Variants in MAN1B1 observed in about 807,000 individuals in gnomAD.
MAN1B1 encodes the protein mannosidase alpha class 1B member 1.
A neutral mutation model predicts 75.5 loss-of-function variants in MAN1B1; 66 were observed. The ratio of observed to expected loss-of-function variants is 0.87; its 90% CI spans 0.72 to 1.07. The LOEUF is 1.07. Among genes scored for constraint, MAN1B1 ranks in the 50% least tolerant of loss-of-function variants. MAN1B1 has a pLI of 0.00. For synonymous variants in MAN1B1, 453 were observed against 382.8 expected (o/e 1.18, Z -2.14); for missense variants, 973 against 912.5 (o/e 1.07, Z -0.85).
intron 10 of MAN1B1, 63 bp from the exon 11 acceptor site, chr9:137,107,187 C>A (rs922420738): frequency 1.7e-5 from 27 of 1,563,032 alleles, no homozygotes; most frequent in Non-Finnish European, 2.3e-5. Context: ...GTTGGCTGCC[C>A]GTGCAGCTGC....
chr9:137,095,708 G>A (rs113854462), intron 3 of MAN1B1, among the ~76,000 whole-genome samples: 6 of 152,346 alleles, frequency 3.9e-5, no homozygotes, highest in African/African-American at 1.2e-4. Context: ...TTCACGTGGG[G>A]AAGGGAGCAG....
In MAN1B1 at chr9:137,107,363, C is replaced by G. The variant is rs1017935955; in HGVS notation, c.1680C>G (p.Asn560Lys). 1 of 1,613,410 alleles carries G rather than the reference C, an allele frequency of 6.2e-7. No homozygotes were observed. Among genetic ancestry groups the G allele is most frequent in the Non-Finnish European group, 8.5e-7 (1 of 1,180,010 alleles). ...TCATGGAGACTTGTTACCAGATGAACCGGCAGATGGAGACGGGGCTGAGTC... is the reference window on the plus strand; with the variant it reads ...TCATGGAGACTTGTTACCAGATGAAGCGGCAGATGGAGACGGGGCTGAGTC... ...QELMETCYQM[N>K]RQMETGLSPE... The change falls in exon 11 of 13, where the codon AAC (asparagine) becomes AAG (lysine). Residue 560 changes from asparagine (N) to lysine (K), a missense_variant. Transcript: ENST00000371589.
Position 137,088,914 on chromosome 9 carries a change from T to C in MAN1B1, c.374T>C (p.Ile125Thr), listed in dbSNP as rs756945518. ...LEEEQKMRPEIAGLKPANPPV... is the reference protein window; with the variant it reads ...LEEEQKMRPETAGLKPANPPV... ...GAAGAGCAGAAGATGAGGCCAGAAA[T>C]TGCTGGGTTAAAACCAGCAAATCCA... Residue 125 changes from isoleucine (I) to threonine (T), a missense_variant, in exon 3 of 13, where the codon ATT becomes ACT. Transcript: ENST00000371589. 4.3e-6 allele frequency: 7 copies of C among 1,613,846 alleles called. No individual in the cohort carries two copies. The highest frequency in any genetic ancestry group is 5.9e-6 in the Non-Finnish European group (7 of 1,180,036).
chr9:137,101,865 G>A (rs1395197029), intron 8 of MAN1B1, 193 bp downstream of exon 8: 21 of 741,260 alleles, frequency 2.8e-5, no homozygotes, highest in Middle Eastern at 4.5e-4. Context: ...TGTTGCAGGC[G>A]TGCAGGTCGG....
chr9:137,105,623 C>T (rs956161826), intron 8 of MAN1B1: 2 of 319,518 alleles, frequency 6.3e-6, no homozygotes, highest in African/African-American at 4.4e-5. Context: ...CTGGTGCTGC[C>T]AGCTGGGCGT....
intron 3 of MAN1B1, among the ~76,000 whole-genome samples, chr9:137,095,302 G>A (rs1830623117): frequency 6.6e-6 from 1 of 151,692 alleles, no homozygotes; most frequent in Non-Finnish European, 1.5e-5. Flanking sequence ...TGATCCACCT[G>A]CCTCCCAAAG....
intron 8 of MAN1B1, chr9:137,104,231 TC>T (rs1463731827): frequency 5.2e-5 from 19 of 365,204 alleles, no homozygotes; most frequent in African/African-American, 3.9e-4. Context: ...ACACGATTTG[TC>T]CTTTTTTTGT....
In MAN1B1 at chr9:137,106,808, T is replaced by C. The variant is rs764475116; in HGVS notation, c.1565T>C (p.Met522Thr). The change falls in exon 10 of 13, where the codon ATG becomes ACG. Residue 522 changes from methionine (M) to threonine (T), a missense_variant and splice_region_variant. By Grantham distance (81) the Met-to-Thr change is moderately conservative. Coordinates refer to ENST00000371589, the MANE Select transcript of MAN1B1 (RefSeq NM_016219.5). ...ELAHGRFSAKMDHLVCFLPGT... is the reference protein window; with the variant it reads ...ELAHGRFSAKTDHLVCFLPGT... The stretch of plus-strand genomic sequence containing the variant: ...GCCCACGGCCGCTTCAGTGCCAAGA[T>C]GGTGAGTGTGTCTGCGGGGCCTTCC... 17 of 1,613,072 alleles carry C rather than the reference T, an allele frequency of 1.1e-5. No individual in the cohort carries two copies. The Admixed American group carries it at 2.5e-4, about 24-fold the overall frequency.
At chr9:137,106,660 T>C (rs1348010954) in intron 9 of MAN1B1, 29 bp from the exon 10 acceptor site, 4 of 1,612,700 alleles carry the variant, frequency 2.5e-6, no homozygotes, top group Non-Finnish European at 3.4e-6. Flanking sequence ...ACCGTCCTGG[T>C]AGAGTGAGAT....
rs369907908 is a variant in MAN1B1, at chr9:137,087,157, C to T, written c.158C>T (p.Thr53Met). Residue 53 changes from threonine to methionine, a missense_variant, in exon 1 of 13, where the codon ACG (threonine) becomes ATG (methionine). Physicochemically the swap from Thr to Met is moderately conservative, Grantham distance 81 (BLOSUM62 -1). Coordinates refer to ENST00000371589, the MANE Select transcript of MAN1B1 (RefSeq NM_016219.5). ...CCTCATCGGGACTTCATCTCGGTGA[C>T]GCTGAGCTTTGGCGAGAACTATGAC... The part of the protein sequence containing the change: ...PPPHRDFISV[T>M]LSFGENYDNS... 6 of 1,594,988 alleles carry T rather than the reference C, an allele frequency of 3.8e-6. No homozygotes were observed. The African/African-American group carries it at 6.7e-5, about 18-fold the overall frequency.
At position 137,107,593 on chromosome 9, in the gene MAN1B1, C is replaced by T. The variant is rs201933207; in HGVS notation, c.1827C>T (p.Arg609=). 2.5e-5 allele frequency: 40 copies of T among 1,612,162 alleles called. 2 individuals carry two copies. The highest frequency in any genetic ancestry group is 1.6e-4 in the Middle Eastern group (1 of 6,062). Residue 609 remains arginine, a synonymous_variant, in exon 12 of 13, where the codon CGC becomes CGT. Transcript: ENST00000371589. ...TGGAGAGCCTGTTCTACCTGTACCG[C>T]GTCACAGGGGACCGCAAATACCAGG... The part of the protein sequence containing the change: ...ETVESLFYLY[R]VTGDRKYQDW...
At chr9:137,104,159 C>A in intron 8 of MAN1B1, 1 of 436,458 alleles carries the variant, frequency 2.3e-6, no homozygotes, top group South Asian at 1.6e-5. Flanking sequence ...CCCTGAAAAA[C>A]ACTGTTCAGG....
In MAN1B1 at chr9:137,106,794, C is replaced by T. The variant is rs1329397492; in HGVS notation, c.1551C>T (p.Arg517=). 2 of 1,613,286 alleles carry T rather than the reference C, an allele frequency of 1.2e-6. No homozygotes were observed. Among genetic ancestry groups the T allele is most frequent in the East Asian group, 2.2e-5 (1 of 44,896 alleles). ...LTFVGELAHG[R]FSAKMDHLVC... ...TTGTGGGGGAGCTTGCCCACGGCCG[C>T]TTCAGTGCCAAGATGGTGAGTGTGT... Residue 517 remains arginine (R), a synonymous_variant, in exon 10 of 13, where the codon CGC becomes CGT. Coordinates refer to ENST00000371589, the MANE Select transcript of MAN1B1 (RefSeq NM_016219.5).
intron 5 of MAN1B1, 21 bp downstream of exon 5, chr9:137,097,958 C>T (rs537355779): frequency 8.3e-5 from 127 of 1,532,510 alleles, no homozygotes; most frequent in Non-Finnish European, 1.1e-4. Context: ...ACCTGCACCC[C>T]TTCCTCCCCG....
intron 12 of MAN1B1, 127 bp downstream of exon 12, chr9:137,107,789 C>G (rs754642307): frequency 4.9e-6 from 7 of 1,423,248 alleles, no homozygotes; most frequent in Non-Finnish European, 6.9e-6. Context: ...GCGGGCTTGC[C>G]GCAGCCTCGG....
At chr9:137,090,031 G>A (rs1433468318) in intron 3 of MAN1B1, among the ~76,000 whole-genome samples, 1 of 152,036 alleles carries the variant, frequency 6.6e-6, no homozygotes, top group Non-Finnish European at 1.5e-5. Context: ...CCTAGTCCTG[G>A]GCACCACCAG....
chr9:137,093,833 C>A (rs917039431), intron 3 of MAN1B1, among the ~76,000 whole-genome samples: 5 of 150,596 alleles, frequency 3.3e-5, no homozygotes, highest in South Asian at 2.1e-4. Flanking sequence ...GACTCTGTCT[C>A]AAAAAAAAGA....
chr9:137,102,765 CAGGCGTGCAGGTCGGTGG>C, intron 8 of MAN1B1: 1 of 449,824 alleles, frequency 2.2e-6, no homozygotes, highest in African/African-American at 2.1e-5. Flanking sequence ...TTCACACTTG[CAGGCGTGCAGGTCGGTGG>C]TGTTACACAC....
At chr9:137,103,831 CGGT>C (rs1564303314) in intron 8 of MAN1B1, 2 of 436,052 alleles carry the variant, frequency 4.6e-6, no homozygotes, top group Non-Finnish European at 4.5e-6. Context: ...GCTTGCAGGT[CGGT>C]GGTGTTACAC....
Sources: gnomAD v4.1 joint callset for allele counts (sites outside exome capture counted in the v4.1 genomes callset) on GRCh38, gnomAD v4.1.1 for gene constraint, MANE v1.5 for transcripts, NCBI Gene and HGNC (gene_info 2026-07-23, HGNC 2026-07-21) for gene names.